Variants in C11orf65 observed in about 807,000 individuals in gnomAD.
The protein encoded by C11orf65 is protein MFI.
In C11orf65, 38 loss-of-function variants were observed where a neutral mutation model predicts 35.3. That is an observed-to-expected ratio of 1.08 (90% confidence interval 0.83 to 1.41). The LOEUF (loss-of-function observed/expected upper bound fraction) is 1.41. Ranked by LOEUF, C11orf65 falls within the 40% of genes most tolerant of loss-of-function variation. The pLI, the probability that C11orf65 is intolerant of heterozygous loss-of-function variation, is 0.00. For synonymous variants in C11orf65, 105 were observed against 114.4 expected (o/e 0.92, Z 0.53); for missense variants, 370 against 367.1 (o/e 1.01, Z -0.06).
At chr11:108,448,842 T>C (rs1469238824) in intron 2 of C11orf65, among the ~76,000 whole-genome samples, 3 of 152,286 alleles carry the variant, frequency 2.0e-5, no homozygotes, top group East Asian at 3.9e-4. Context: ...GGAAGTCAAA[T>C]TGTCCCTGTT....
chr11:108,405,200 C>G (rs2092518199), intron 6 of C11orf65, among the ~76,000 whole-genome samples: 1 of 152,158 alleles, frequency 6.6e-6, no homozygotes, highest in South Asian at 2.1e-4. Context: ...TTGGGGCCAG[C>G]TGCAGTGACA....
intron 3 of C11orf65, among the ~76,000 whole-genome samples, chr11:108,430,869 A>G (rs957468438): frequency 1.3e-5 from 2 of 148,930 alleles, no homozygotes; most frequent in African/African-American, 4.9e-5. Flanking sequence ...ATAAAACAAA[A>G]AAAAACCCAA....
chr11:108,382,377 G>T (rs2091882758), downstream of C11orf65, among the ~76,000 whole-genome samples: 1 of 151,948 alleles, frequency 6.6e-6, no homozygotes, highest in African/African-American at 2.4e-5. Context: ...TGAGATTAGG[G>T]GAATGATCTA....
chr11:108,464,805 G>C (rs957658024), intron 1 of C11orf65, among the ~76,000 whole-genome samples: 2 of 152,042 alleles, frequency 1.3e-5, no homozygotes, highest in Non-Finnish European at 2.9e-5. Flanking sequence ...CTTTTATGCT[G>C]TTGGTATTTT....
chr11:108,365,739 C>G lies in C11orf65; in HGVS notation c.226+27469G>C, dbSNP rs761745363. On this transcript the variant is annotated intron_variant, in intron 2 of 3. Coordinates refer to the C11orf65 transcript ENST00000524755. Reference sequence around the variant, plus strand: ...AGAAATAATGGTCATTCGGGCTGGGCGCAGCGGCTCACGCCTGTAATCCCA... The same window carrying G: ...AGAAATAATGGTCATTCGGGCTGGGGGCAGCGGCTCACGCCTGTAATCCCA... 10 of 585,280 alleles carry G rather than the reference C, an allele frequency of 1.7e-5. No individual in the cohort carries two copies. In the South Asian group the frequency reaches 2.0e-4, roughly 12 times the overall value. 36.3% of individuals were successfully genotyped at this position (585,280 alleles called of 1,614,324 possible).
chr11:108,454,150 T>C (rs902994375), intron 2 of C11orf65, among the ~76,000 whole-genome samples: 15 of 152,250 alleles, frequency 9.9e-5, no homozygotes, highest in African/African-American at 3.6e-4. Flanking sequence ...TCTTGGGAGG[T>C]TACATGTATC....
chr11:108,438,091 T>G (rs1040318708), intron 2 of C11orf65, among the ~76,000 whole-genome samples: 1 of 152,206 alleles, frequency 6.6e-6, no homozygotes, highest in Non-Finnish European at 1.5e-5. Context: ...AGCCTCCAAA[T>G]AGACTCATAT....
In C11orf65 at chr11:108,335,065, G is replaced by A. The variant is rs1555127236; in HGVS notation, c.299+155C>T. On this transcript the variant is annotated intron_variant, in intron 3 of 3. Coordinates refer to the C11orf65 transcript ENST00000524755. ...AGGTGTAAATTTACCAAAAATAATAGATTGTGTAGGTTCCGATGGCAAGGA... is the reference window on the plus strand; with the variant it reads ...AGGTGTAAATTTACCAAAAATAATAAATTGTGTAGGTTCCGATGGCAAGGA... 1 of 1,614,108 alleles carries A rather than the reference G, an allele frequency of 6.2e-7. No homozygotes were observed. Among genetic ancestry groups the A allele is most frequent in the East Asian group, 2.2e-5 (1 of 44,864 alleles).
intron 1 of C11orf65, among the ~76,000 whole-genome samples, chr11:108,464,447 C>T (rs2093510087): frequency 1.3e-5 from 2 of 152,086 alleles, no homozygotes; most frequent in South Asian, 2.1e-4. Context: ...CTGCAACCTC[C>T]GCCTCCCGGG....
At chr11:108,346,829 A>G (rs2088476804) in intron 2 of C11orf65, among the ~76,000 whole-genome samples, 1 of 152,150 alleles carries the variant, frequency 6.6e-6, no homozygotes, top group Admixed American at 6.5e-5. Flanking sequence ...AAATGAATTA[A>G]TGATTAATTT....
At chr11:108,405,231 C>T (rs1428725841) in intron 6 of C11orf65, among the ~76,000 whole-genome samples, 198 bp downstream of exon 6, 2 of 152,226 alleles carry the variant, frequency 1.3e-5, no homozygotes, top group Non-Finnish European at 2.9e-5. Flanking sequence ...GGTGTGTAGG[C>T]GGTTGGACAC....
At chr11:108,320,065 T>G in intron 6 of C11orf65, 1 of 1,562,192 alleles carries the variant, frequency 6.4e-7, no homozygotes, top group African/African-American at 1.4e-5. Context: ...CCAGGTATTA[T>G]GAAAAGACAA....
intron 6 of C11orf65, among the ~76,000 whole-genome samples, chr11:108,324,566 A>G (rs2085471005): frequency 6.6e-6 from 1 of 152,098 alleles, no homozygotes; most frequent in Non-Finnish European, 1.5e-5. Context: ...GGTCATTTAG[A>G]GAGGAATTGA....
chr11:108,351,788 T>TC (rs1270510607), intron 2 of C11orf65, among the ~76,000 whole-genome samples: 1 of 152,244 alleles, frequency 6.6e-6, no homozygotes, highest in Non-Finnish European at 1.5e-5. Flanking sequence ...TTCTTCCCTG[T>TC]TTCTGGGACT....
In C11orf65 at chr11:108,410,711, C is replaced by CTTT. The variant is rs35785036; in HGVS notation, c.175-3565_175-3563dup. The stretch of plus-strand genomic sequence containing the variant: ...TATCTTCACTATTTCCTTCCTTTTA[C>CTTT]TTTTTTTTTTTTTTTGAGACAGAGT... On this transcript the variant is annotated intron_variant, in intron 3 of 8. Transcript: ENST00000393084. Among the ~76,000 whole-genome samples the CTTT allele has an allele frequency of 6.7e-4, 92 of 136,652 alleles. 2 individuals are homozygous for CTTT. Among genetic ancestry groups the CTTT allele is most frequent in the African/African-American group, 1.5e-3 (54 of 36,548 alleles). The allele number at this position is 136,652 out of a possible 152,430, so 89.6% of individuals were successfully genotyped here. A position where few individuals can be genotyped will look rare whatever the true frequency, so the allele number is the denominator to read the frequency against.
chr11:108,411,895 T>C (rs969381119), intron 3 of C11orf65, among the ~76,000 whole-genome samples: 3 of 152,012 alleles, frequency 2.0e-5, no homozygotes, highest in African/African-American at 7.3e-5. Context: ...CAAGTGGTTC[T>C]CCTGCCTCAG....
At chr11:108,390,346 A>G (rs2092127767) in intron 7 of C11orf65, among the ~76,000 whole-genome samples, 3 of 152,208 alleles carry the variant, frequency 2.0e-5, no homozygotes, top group African/African-American at 7.2e-5. Context: ...TTTAAAGGGA[A>G]GCCATTAAGA....
At chr11:108,347,448 A>G in intron 2 of C11orf65, 1 of 1,143,158 alleles carries the variant, frequency 8.7e-7, no homozygotes, top group Admixed American at 1.8e-5. Flanking sequence ...AAGATATTAC[A>G]AATATAAGAG....
intron 2 of C11orf65, among the ~76,000 whole-genome samples, chr11:108,441,275 A>G (rs1452092351): frequency 6.6e-6 from 1 of 152,166 alleles, no homozygotes; most frequent in Non-Finnish European, 1.5e-5. Flanking sequence ...GCTGGAGGAG[A>G]GGCGTCTGCC....
Sources: gnomAD v4.1 joint callset for allele counts (sites outside exome capture counted in the v4.1 genomes callset) on GRCh38, gnomAD v4.1.1 for gene constraint, MANE v1.5 for transcripts, NCBI Gene and HGNC (gene_info 2026-07-23, HGNC 2026-07-21) for gene names.